The following ACSM6 variants were observed in gnomAD, a reference collection of about 807,000 sequenced individuals.
ACSM6 encodes acyl-CoA synthetase medium chain family member 6.
ACSM6 carries 35 observed loss-of-function variants against 51.1 expected under a neutral mutation model. The observed-to-expected ratio is 0.69, with a 90% confidence interval of 0.52 to 0.91. The LOEUF (loss-of-function observed/expected upper bound fraction) is 0.91, where lower values mean the gene tolerates loss of function less well. Ranked by LOEUF, ACSM6 falls within the 40% of genes least tolerant of loss-of-function variation. The pLI is 0.00. For missense variants in ACSM6, 509 were observed against 584.1 expected (o/e 0.87, Z 1.32); for synonymous variants, 172 against 207.3 (o/e 0.83, Z 1.46).
Position 95,204,231 on chromosome 10 carries a change from G to A in ACSM6, c.403+2036G>A, listed in dbSNP as rs544035540. Reference sequence around the variant, plus strand: ...AGGCAAAATGAATGAAAACAAAATCGAAAACTCAGAACAGACCAAAGTATA... The same window carrying A: ...AGGCAAAATGAATGAAAACAAAATCAAAAACTCAGAACAGACCAAAGTATA... On this transcript the variant is annotated intron_variant, in intron 3 of 10. Coordinates refer to ENST00000341686, the Ensembl canonical transcript of ACSM6. 3.9e-5 allele frequency among the ~76,000 whole-genome samples: 6 copies of A among 152,236 alleles called. No individual in the cohort carries two copies. In the East Asian group the frequency reaches 7.7e-4, roughly 20 times the overall value.
In ACSM6 at chr10:95,211,869, T is replaced by C; in HGVS notation, c.756-9T>C. On this transcript the variant is annotated splice_polypyrimidine_tract_variant and intron_variant, in intron 5 of 10. Transcript: ENST00000341686. The stretch of plus-strand genomic sequence containing the variant: ...AGAGAATTCAAATGGCTTTCCTCTT[T>C]CTCTTTAGACGGTGGATGGATCTCC... The C allele has an allele frequency of 6.3e-7, 1 of 1,583,894 alleles. No homozygotes were observed. The highest frequency in any genetic ancestry group is 1.2e-5 in the South Asian group (1 of 85,158).
chr10:95,219,915 A>G (rs1337547672), exon 9 of ACSM6: 1 of 1,613,712 alleles, frequency 6.2e-7, no homozygotes. Context: ...CACTTCCAAA[A>G]CAATAAAATT....
intron 2 of ACSM6, among the ~76,000 whole-genome samples, chr10:95,195,456 G>A (rs1357614349): frequency 6.6e-6 from 1 of 152,176 alleles, no homozygotes; most frequent in Non-Finnish European, 1.5e-5. Context: ...ATTGAGTTAT[G>A]AGGAGAAAAC....
chr10:95,215,734 T>C (rs1370324666), intron 8 of ACSM6, among the ~76,000 whole-genome samples: 1 of 152,188 alleles, frequency 6.6e-6, no homozygotes, highest in Non-Finnish European at 1.5e-5. Flanking sequence ...ATAGATTGAG[T>C]GGCTTAAACA....
At chr10:95,228,927 T>G (rs1299500891) in exon 11 of ACSM6, 11 of 891,208 alleles carry the variant, frequency 1.2e-5, no homozygotes, top group African/African-American at 1.7e-5. Flanking sequence ...ATCCATAATC[T>G]CATATTGTGG....
At chr10:95,215,571 T>C (rs1365688340) in intron 8 of ACSM6, among the ~76,000 whole-genome samples, 1 of 152,066 alleles carries the variant, frequency 6.6e-6, no homozygotes, top group Non-Finnish European at 1.5e-5. Context: ...GGCATTAAGA[T>C]GAAAGACTAA....
intron 3 of ACSM6, among the ~76,000 whole-genome samples, chr10:95,206,420 G>A (rs1022791408): frequency 2.6e-5 from 4 of 152,064 alleles, no homozygotes; most frequent in Non-Finnish European, 5.9e-5. Context: ...AGATATTTAG[G>A]TTGTTTCCAC....
chr10:95,227,863 T>A (rs2133398058), intron 10 of ACSM6, among the ~76,000 whole-genome samples: 2 of 151,866 alleles, frequency 1.3e-5, no homozygotes, highest in East Asian at 1.9e-4. Flanking sequence ...AGGTCAGGAG[T>A]TTGAGAGCAG....
chr10:95,202,987 G>A (rs945578769), intron 3 of ACSM6, among the ~76,000 whole-genome samples: 7 of 150,764 alleles, frequency 4.6e-5, no homozygotes, highest in Admixed American at 1.3e-4. Flanking sequence ...TCTCTAAAGC[G>A]TCCTCTACCT....
chr10:95,204,067 G>A (rs2034819431), intron 3 of ACSM6, among the ~76,000 whole-genome samples: 2 of 151,994 alleles, frequency 1.3e-5, no homozygotes, highest in South Asian at 2.1e-4. Flanking sequence ...AAAGGACAGG[G>A]ACCACTTCAG....
At chr10:95,209,373 C>T (rs527714987) in intron 4 of ACSM6, among the ~76,000 whole-genome samples, 65 of 152,170 alleles carry the variant, frequency 4.3e-4, no homozygotes, top group Non-Finnish European at 8.5e-4. Flanking sequence ...AAGACTGCGG[C>T]AGGTCTTGGA....
chr10:95,223,223 T>C (rs2035010611), intron 9 of ACSM6, among the ~76,000 whole-genome samples: 1 of 151,356 alleles, frequency 6.6e-6, no homozygotes, highest in African/African-American at 2.4e-5. Flanking sequence ...CCAAATGGCT[T>C]TGCGGTGAAT....
chr10:95,228,437 C>CA (rs34317527), intron 10 of ACSM6: 5,678 of 410,518 alleles, frequency 0.014, no homozygotes, highest in East Asian at 0.052. Flanking sequence ...CTAGCTGGGA[C>CA]AAAAAAAAAA....
At chr10:95,222,517 G>A (rs895472555) in intron 9 of ACSM6, among the ~76,000 whole-genome samples, 36 of 152,050 alleles carry the variant, frequency 2.4e-4, no homozygotes, top group African/African-American at 8.7e-4. Flanking sequence ...CAGCTACTCA[G>A]GAGGCTGAGG....
At chr10:95,212,970 A>G (rs1414000296) in intron 7 of ACSM6, 30 bp downstream of exon 7, 9 of 1,532,328 alleles carry the variant, frequency 5.9e-6, no homozygotes, top group Non-Finnish European at 8.1e-6. Flanking sequence ...GAGAGAGTCC[A>G]TTTCCACTCA....
At chr10:95,224,368 T>A (rs778099414) in intron 9 of ACSM6, among the ~76,000 whole-genome samples, 36 of 152,218 alleles carry the variant, frequency 2.4e-4, no homozygotes, top group Non-Finnish European at 4.3e-4. Flanking sequence ...TACTTCATGG[T>A]CATGCCTTCC....
At chr10:95,217,102 C>T (rs549169347) in intron 8 of ACSM6, among the ~76,000 whole-genome samples, 68 of 152,224 alleles carry the variant, frequency 4.5e-4, no homozygotes, top group African/African-American at 1.6e-3. Flanking sequence ...GTAATCCCAG[C>T]ACTTTGGGAG....
At chr10:95,202,138 A>G in exon 3 of ACSM6, 5 of 1,552,264 alleles carry the variant, frequency 3.2e-6, no homozygotes, top group Non-Finnish European at 4.4e-6. Context: ...CCGGCTGATG[A>G]TAATCTTGCC....
chr10:95,212,048 C>T lies in ACSM6; in HGVS notation c.912+14C>T. The T allele has an allele frequency of 7.4e-6, 12 of 1,613,788 alleles. No individual in the cohort carries two copies. Among genetic ancestry groups the T allele is most frequent in the Non-Finnish European group, 1.0e-5 (12 of 1,179,796 alleles). ...ACTGTTCTAAATGTAAGATCAATTC[C>T]TAGTGTGGAATGTGTGGGACAAAGG... On this transcript the variant is annotated intron_variant, in intron 6 of 10. Coordinates refer to ENST00000341686, the Ensembl canonical transcript of ACSM6.
Sources: allele counts gnomAD v4.1 joint callset (sites outside exome capture counted in the v4.1 genomes callset), GRCh38; gene constraint gnomAD v4.1.1; transcripts MANE v1.5; gene names NCBI Gene and HGNC (gene_info 2026-07-23, HGNC 2026-07-21).